The following ALCAM variants were observed in gnomAD, a reference collection of about 807,000 sequenced individuals.
ALCAM encodes activated leukocyte cell adhesion molecule, also known as CD166 antigen.
In ALCAM, 30 loss-of-function variants were observed where a neutral mutation model predicts 70.9. The ratio of observed to expected loss-of-function variants is 0.42; its 90% CI spans 0.32 to 0.57. The LOEUF (loss-of-function observed/expected upper bound fraction) is 0.57. ALCAM is among the 20% of genes least tolerant of loss of function. ALCAM has a pLI of 0.11. For synonymous variants in ALCAM, 249 were observed against 242.5 expected (o/e 1.03, Z -0.25); for missense variants, 591 against 695.1 (o/e 0.85, Z 1.68).
chr3:105,514,813 T>C (rs1939336074), intron 1 of ALCAM, among the ~76,000 whole-genome samples: 1 of 151,892 alleles, frequency 6.6e-6, no homozygotes, highest in Admixed American at 6.6e-5. Context: ...TTATAATGTA[T>C]AACACTTGAG....
chr3:105,562,763 G>A (rs954000277), intron 14 of ALCAM, among the ~76,000 whole-genome samples: 2 of 152,082 alleles, frequency 1.3e-5, no homozygotes, highest in African/African-American at 4.8e-5. Context: ...TTCTTTATGA[G>A]AACTTGCTTC....
intron 1 of ALCAM, among the ~76,000 whole-genome samples, chr3:105,407,749 G>C (rs942545630): frequency 6.6e-6 from 1 of 151,746 alleles, no homozygotes; most frequent in Non-Finnish European, 1.5e-5. Context: ...GAAATAAAGG[G>C]CATCCGAAGA....
intron 1 of ALCAM, among the ~76,000 whole-genome samples, chr3:105,465,345 A>G (rs192530593): frequency 1.3e-4 from 19 of 151,624 alleles, no homozygotes; most frequent in African/African-American, 4.6e-4. Context: ...GTTAAGGAGT[A>G]GGTTCAGAAG....
chr3:105,533,062 G>A (rs1939878701), intron 4 of ALCAM, among the ~76,000 whole-genome samples: 1 of 152,024 alleles, frequency 6.6e-6, no homozygotes, highest in Non-Finnish European at 1.5e-5. Context: ...CATTCTTTGT[G>A]TCATATTAAA....
intron 9 of ALCAM, among the ~76,000 whole-genome samples, chr3:105,545,888 C>T (rs1401804851): frequency 6.6e-6 from 1 of 151,418 alleles, no homozygotes; most frequent in East Asian, 1.9e-4. Context: ...TTTCTGAAAA[C>T]AGGTTCCACT....
In ALCAM at chr3:105,409,798, T is replaced by C. The variant is rs879415066; in HGVS notation, c.73+42317T>C. On this transcript the variant is annotated intron_variant, in intron 1 of 15. Coordinates refer to ENST00000306107, the MANE Select transcript of ALCAM (RefSeq NM_001627.4). The stretch of plus-strand genomic sequence containing the variant: ...TGCCAATAGGAGCTAAACAACGAGT[T>C]TGGGCCAGATTGATCTGTATTTTCT... 2.0e-5 allele frequency among the ~76,000 whole-genome samples: 3 copies of C among 152,106 alleles called. No individual in the cohort carries two copies. The East Asian group carries it at 5.8e-4, about 29-fold the overall frequency.
At chr3:105,445,250 T>C (rs1339544411) in intron 1 of ALCAM, among the ~76,000 whole-genome samples, 1 of 152,116 alleles carries the variant, frequency 6.6e-6, no homozygotes, top group Non-Finnish European at 1.5e-5. Flanking sequence ...ATGGATGAGT[T>C]TAACCAAGGA....
chr3:105,466,771 C>T (rs7647011), intron 1 of ALCAM, among the ~76,000 whole-genome samples: 108,890 of 151,180 alleles, frequency 0.72, 39,451 homozygotes, highest in East Asian at 0.93. Context: ...AGCAGATATT[C>T]GACTTTTAGC....
chr3:105,503,128 C>A (rs563716383), intron 1 of ALCAM, among the ~76,000 whole-genome samples: 3 of 152,172 alleles, frequency 2.0e-5, no homozygotes, highest in Non-Finnish European at 2.9e-5. Context: ...AAAGGGCTCG[C>A]GTGTGTTAAA....
intron 14 of ALCAM, among the ~76,000 whole-genome samples, chr3:105,555,096 G>A (rs908923194): frequency 1.3e-5 from 2 of 151,814 alleles, no homozygotes; most frequent in Non-Finnish European, 1.5e-5. Context: ...TCTTCATGTG[G>A]TAACCCCAAA....
At chr3:105,371,187 TTAAA>T (rs1366226977) in intron 1 of ALCAM, among the ~76,000 whole-genome samples, 12 of 152,286 alleles carry the variant, frequency 7.9e-5, no homozygotes, top group Non-Finnish European at 1.3e-4. Flanking sequence ...AGAAAATTAA[TTAAA>T]TAGTCTTGTG....
At chr3:105,420,456 C>T (rs1314289277) in intron 1 of ALCAM, among the ~76,000 whole-genome samples, 1 of 151,686 alleles carries the variant, frequency 6.6e-6, no homozygotes, top group Non-Finnish European at 1.5e-5. Context: ...AATGCTGCAT[C>T]TAAACTTCAG....
At chr3:105,530,788 A>G (rs896945075) in intron 3 of ALCAM, among the ~76,000 whole-genome samples, 2 of 152,048 alleles carry the variant, frequency 1.3e-5, no homozygotes, top group African/African-American at 4.8e-5. Context: ...TTAACTCTAG[A>G]TATTAACCTA....
chr3:105,489,431 T>C (rs1319423398), intron 1 of ALCAM, among the ~76,000 whole-genome samples: 3 of 152,160 alleles, frequency 2.0e-5, no homozygotes, highest in African/African-American at 7.2e-5. Flanking sequence ...CTTTTGGCCA[T>C]GTTGACAATG....
chr3:105,424,207 TG>T (rs1448450435), intron 1 of ALCAM, among the ~76,000 whole-genome samples: 2 of 151,652 alleles, frequency 1.3e-5, no homozygotes, highest in African/African-American at 4.8e-5. Flanking sequence ...AAGAATAAAA[TG>T]AAGCCTGAGC....
intron 1 of ALCAM, among the ~76,000 whole-genome samples, chr3:105,425,292 A>G (rs187887940): frequency 5.0e-4 from 76 of 151,790 alleles, no homozygotes; most frequent in African/African-American, 1.8e-3. Context: ...CATTGGTTCT[A>G]TTTGCTCTGT....
chr3:105,535,862 T>G (rs1449625363), intron 6 of ALCAM, among the ~76,000 whole-genome samples: 1 of 152,172 alleles, frequency 6.6e-6, no homozygotes, highest in South Asian at 2.1e-4. Context: ...CTGCTGAGCC[T>G]TTCGAAAGAA....
chr3:105,543,719 C>G (rs1257100429), intron 8 of ALCAM, among the ~76,000 whole-genome samples: 1 of 151,562 alleles, frequency 6.6e-6, no homozygotes, highest in Non-Finnish European at 1.5e-5. Context: ...CCATCATTGT[C>G]CTGTAAAATT....
chr3:105,516,234 G>C (rs1176280789), intron 1 of ALCAM, among the ~76,000 whole-genome samples: 1 of 151,822 alleles, frequency 6.6e-6, no homozygotes, highest in Non-Finnish European at 1.5e-5. Context: ...AATGCAAAGA[G>C]AATGATTCCT....
Sources: allele counts gnomAD v4.1 joint callset (sites outside exome capture counted in the v4.1 genomes callset), GRCh38; gene constraint gnomAD v4.1.1; transcripts MANE v1.5; gene names NCBI Gene and HGNC (gene_info 2026-07-23, HGNC 2026-07-21).